Variants in EYS observed in about 807,000 individuals in gnomAD.
The protein encoded by EYS is protein eyes shut homolog.
In EYS, 250 loss-of-function variants were observed where a neutral mutation model predicts 282.1. The observed-to-expected ratio is 0.89, with a 90% confidence interval of 0.80 to 0.98. The LOEUF (loss-of-function observed/expected upper bound fraction) is 0.98. EYS is among the 50% of genes least tolerant of loss of function. The pLI is 0.00. For synonymous variants in EYS, 1,355 were observed against 1,282.9 expected (o/e 1.06, Z -1.20); for missense variants, 4,016 against 3,709.0 (o/e 1.08, Z -2.15).
intron 12 of EYS, among the ~76,000 whole-genome samples, chr6:65,210,581 C>G (rs1766149391): frequency 1.3e-5 from 2 of 151,912 alleles, no homozygotes; most frequent in South Asian, 4.1e-4. Context: ...TTGGCATGAT[C>G]TCAGTTGTGG....
intron 33 of EYS, among the ~76,000 whole-genome samples, chr6:64,001,717 TA>T (rs1245679440): frequency 6.6e-6 from 1 of 152,192 alleles, no homozygotes; most frequent in Non-Finnish European, 1.5e-5. Flanking sequence ...AGAATAATAG[TA>T]ACACAGAAAG....
chr6:63,976,921 A>C (rs1410673127), intron 35 of EYS, among the ~76,000 whole-genome samples: 3 of 151,984 alleles, frequency 2.0e-5, no homozygotes, highest in Non-Finnish European at 4.4e-5. Flanking sequence ...TTATTTATTT[A>C]GAATAGGAAA....
intron 15 of EYS, among the ~76,000 whole-genome samples, chr6:64,921,214 C>T (rs1768337512): frequency 6.6e-6 from 1 of 152,060 alleles, no homozygotes; most frequent in Non-Finnish European, 1.5e-5. Context: ...TGAAATGTAA[C>T]ATAAATTCAG....
intron 33 of EYS, among the ~76,000 whole-genome samples, chr6:64,031,429 G>T (rs545357400): frequency 6.6e-6 from 1 of 152,144 alleles, no homozygotes; most frequent in South Asian, 2.1e-4. Context: ...GCTCCTGTGC[G>T]GCCCAAGCCT....
In EYS at chr6:65,248,391, G is replaced by C. The variant is rs527888899; in HGVS notation, c.2023+47472C>G. On this transcript the variant is annotated intron_variant, in intron 12 of 42. Coordinates refer to ENST00000503581, the MANE Select transcript of EYS (RefSeq NM_001142800.2). ...TCTGGCAGACCTGTCAGGAAGAGGA[G>C]ATGGGGGTGCATGGAAGTGAGCTTG... 3.9e-5 allele frequency among the ~76,000 whole-genome samples: 6 copies of C among 152,200 alleles called. No individual in the cohort carries two copies. The East Asian group carries it at 1.2e-3, about 29-fold the overall frequency.
chr6:64,840,543 A>T, intron 19 of EYS, among the ~76,000 whole-genome samples: 1 of 152,158 alleles, frequency 6.6e-6, no homozygotes, highest in South Asian at 2.1e-4. Context: ...CAAGGGAAAG[A>T]TGGCAGAGGA....
chr6:64,186,862 T>C (rs1376167841), intron 31 of EYS, among the ~76,000 whole-genome samples: 3 of 152,172 alleles, frequency 2.0e-5, no homozygotes, highest in African/African-American at 7.2e-5. Flanking sequence ...AGTGACTACA[T>C]GTATGAAGAT....
chr6:64,045,301 CG>C (rs1770566107), intron 33 of EYS, among the ~76,000 whole-genome samples: 1 of 151,732 alleles, frequency 6.6e-6, no homozygotes, highest in Non-Finnish European at 1.5e-5. Flanking sequence ...TGTTGACAAA[CG>C]TTTTTACTGA....
intron 2 of EYS, among the ~76,000 whole-genome samples, chr6:65,554,803 C>G (rs1768735520): frequency 6.6e-6 from 1 of 152,098 alleles, no homozygotes; most frequent in South Asian, 2.1e-4. Context: ...AATGTCTAGC[C>G]AAGAAGGAGT....
intron 22 of EYS, among the ~76,000 whole-genome samples, chr6:64,729,736 T>C (rs1369401817): frequency 6.6e-6 from 1 of 152,148 alleles, no homozygotes; most frequent in Non-Finnish European, 1.5e-5. Flanking sequence ...ACCTAATACA[T>C]GCCAATGAGT....
intron 15 of EYS, among the ~76,000 whole-genome samples, chr6:64,917,657 T>C (rs1026473600): frequency 6.6e-6 from 1 of 152,120 alleles, no homozygotes; most frequent in African/African-American, 2.4e-5. Flanking sequence ...TAACAAGATA[T>C]TGTGCACTTA....
At chr6:64,813,715 A>G in intron 21 of EYS, 138 bp from the exon 22 acceptor site, 1 of 522,548 alleles carries the variant, frequency 1.9e-6, no homozygotes, top group Admixed American at 4.1e-5. Context: ...TGTTAATTGA[A>G]ATATATGTTT....
intron 1 of EYS, among the ~76,000 whole-genome samples, chr6:65,644,365 G>C (rs1767382632): frequency 6.6e-6 from 1 of 152,036 alleles, no homozygotes; most frequent in African/African-American, 2.4e-5. Flanking sequence ...ATCCATCAAA[G>C]ACAAAAAAGT....
At chr6:64,864,382 C>CTTTTTTTTTTTTTTTT (rs1562231995) in intron 19 of EYS, among the ~76,000 whole-genome samples, 10 of 40,098 alleles carry the variant, frequency 2.5e-4, no homozygotes, top group African/African-American at 5.9e-4. Context: ...GGTGCTATAC[C>CTTTTTTTTTTTTTTTT]TTCTTTTTTT....
chr6:65,606,167 A>C (rs1178831259), intron 2 of EYS, among the ~76,000 whole-genome samples: 1 of 151,674 alleles, frequency 6.6e-6, no homozygotes, highest in African/African-American at 2.4e-5. Flanking sequence ...ATAGAGAATA[A>C]GTATTCCTTA....
intron 12 of EYS, among the ~76,000 whole-genome samples, chr6:65,227,213 G>T (rs1766651206): frequency 6.7e-6 from 1 of 149,988 alleles, no homozygotes; most frequent in South Asian, 2.1e-4. Flanking sequence ...AAAGAATTTC[G>T]AATGTGAATA....
chr6:64,263,492 T>C (rs1365280038), intron 30 of EYS, among the ~76,000 whole-genome samples: 2 of 152,148 alleles, frequency 1.3e-5, no homozygotes, highest in African/African-American at 2.4e-5. Context: ...TGATTTAATA[T>C]GGAATTTTCC....
intron 19 of EYS, among the ~76,000 whole-genome samples, chr6:64,825,460 C>A (rs1371576446): frequency 6.6e-6 from 1 of 151,598 alleles, no homozygotes; most frequent in Non-Finnish European, 1.5e-5. Flanking sequence ...AAAATAAATC[C>A]TTGTCATATA....
chr6:64,663,628 T>G (rs1344220275), intron 22 of EYS, among the ~76,000 whole-genome samples: 3 of 152,178 alleles, frequency 2.0e-5, no homozygotes, highest in Admixed American at 1.3e-4. Flanking sequence ...AGTATTTAAT[T>G]GCTCTTCCCA....
Sources: gnomAD v4.1 joint callset for allele counts (sites outside exome capture counted in the v4.1 genomes callset) on GRCh38, gnomAD v4.1.1 for gene constraint, MANE v1.5 for transcripts, NCBI Gene and HGNC (gene_info 2026-07-23, HGNC 2026-07-21) for gene names.